The following PCDH9 variants were observed in gnomAD, a reference collection of about 807,000 sequenced individuals.
PCDH9 encodes protocadherin-9.
A neutral mutation model predicts 70.6 loss-of-function variants in PCDH9; 24 were observed. That is an observed-to-expected ratio of 0.34 (90% CI 0.25 to 0.48). PCDH9 has a LOEUF of 0.48. Among genes scored for constraint, PCDH9 ranks in the 20% least tolerant of loss-of-function variants. The probability of loss-of-function intolerance (pLI) is 0.99; values close to 1 mark genes in which losing one functional copy is unlikely to be tolerated. For missense variants in PCDH9, 1,281 were observed against 1,503.6 expected, an observed-to-expected ratio of 0.85 and a Z score of 2.45; for synonymous variants, 562 against 558.5, an observed-to-expected ratio of 1.01 and a Z score of -0.09.
At chr13:67,204,810 C>T (rs1313508580) in intron 2 of PCDH9, 2 of 152,118 alleles carry the variant, frequency 1.3e-5, no homozygotes, top group Non-Finnish European at 2.9e-5. Context: ...CAACACATCA[C>T]GTTAGGCCAC....
chr13:67,120,375 G>A (rs1490055603), intron 2 of PCDH9, among the ~76,000 whole-genome samples: 1 of 152,016 alleles, frequency 6.6e-6, no homozygotes, highest in African/African-American at 2.4e-5. Flanking sequence ...TGGGATGAAT[G>A]TGAATCTTCA....
chr13:66,413,642 A>C (rs1957411092), intron 4 of PCDH9, among the ~76,000 whole-genome samples: 1 of 151,972 alleles, frequency 6.6e-6, no homozygotes, highest in African/African-American at 2.4e-5. Context: ...GCCAAGATGA[A>C]GCCACTGCAC....
intron 4 of PCDH9, among the ~76,000 whole-genome samples, chr13:66,464,418 C>T (rs1023164390): frequency 1.1e-4 from 16 of 151,954 alleles, no homozygotes; most frequent in Non-Finnish European, 1.9e-4. Context: ...CACAGCTATA[C>T]CTGAAAAGCT....
intron 3 of PCDH9, among the ~76,000 whole-genome samples, chr13:66,744,916 T>G (rs1003358573): frequency 3.9e-5 from 6 of 152,170 alleles, no homozygotes; most frequent in African/African-American, 1.4e-4. Context: ...GAAAAGTTTT[T>G]AGTTTCTTTT....
At chr13:66,705,081 G>A (rs1402178967) in intron 3 of PCDH9, among the ~76,000 whole-genome samples, 2 of 152,028 alleles carry the variant, frequency 1.3e-5, no homozygotes, top group African/African-American at 4.8e-5. Flanking sequence ...GTAAGCAGTT[G>A]TTCTTGAAAT....
chr13:66,324,308 T>G (rs1362008585), intron 4 of PCDH9, among the ~76,000 whole-genome samples: 1 of 151,988 alleles, frequency 6.6e-6, no homozygotes, highest in East Asian at 1.9e-4. Flanking sequence ...GTAGATCTAT[T>G]GGTGAATATT....
chr13:66,949,114 T>C (rs369384869), intron 2 of PCDH9, among the ~76,000 whole-genome samples: 4 of 152,122 alleles, frequency 2.6e-5, no homozygotes, highest in East Asian at 1.9e-4. Context: ...GCAGGTGAAG[T>C]GACAAAAGCT....
At chr13:66,734,140 T>A (rs1359648394) in intron 3 of PCDH9, among the ~76,000 whole-genome samples, 1 of 152,144 alleles carries the variant, frequency 6.6e-6, no homozygotes, top group East Asian at 1.9e-4. Context: ...GGTCACATGA[T>A]GTAAATTGAC....
At chr13:66,598,906 G>A (rs529972246) in intron 4 of PCDH9, among the ~76,000 whole-genome samples, 21 of 151,786 alleles carry the variant, frequency 1.4e-4, no homozygotes, top group African/African-American at 4.6e-4. Context: ...CAGTGTATCC[G>A]TAAAACTGCT....
At chr13:67,137,796 A>G (rs953715186) in intron 2 of PCDH9, among the ~76,000 whole-genome samples, 4 of 152,148 alleles carry the variant, frequency 2.6e-5, no homozygotes, top group African/African-American at 9.7e-5. Flanking sequence ...GTCATCAGCC[A>G]CAGGGATTAT....
intron 4 of PCDH9, among the ~76,000 whole-genome samples, chr13:66,318,704 T>C (rs1406414534): frequency 6.6e-6 from 1 of 152,194 alleles, no homozygotes; most frequent in African/African-American, 2.4e-5. Context: ...AAATAGACCT[T>C]GTCTCCTGAA....
chr13:66,656,935 T>G (rs959222143), intron 3 of PCDH9, among the ~76,000 whole-genome samples: 4 of 152,138 alleles, frequency 2.6e-5, no homozygotes, highest in African/African-American at 9.7e-5. Flanking sequence ...TCTGAACTTT[T>G]AAAAAGGAGT....
intron 4 of PCDH9, among the ~76,000 whole-genome samples, chr13:66,383,850 T>C (rs1397360508): frequency 2.6e-5 from 4 of 152,172 alleles, no homozygotes; most frequent in Non-Finnish European, 4.4e-5. Context: ...ATATTTATAG[T>C]AAAATGTGTT....
chr13:66,980,152 T>A (rs1293843231), intron 2 of PCDH9, among the ~76,000 whole-genome samples: 1 of 152,038 alleles, frequency 6.6e-6, no homozygotes, highest in Non-Finnish European at 1.5e-5. Context: ...GATCCTTCCA[T>A]CAACTTGTTC....
intron 4 of PCDH9, among the ~76,000 whole-genome samples, chr13:66,480,834 C>A (rs984685161): frequency 2.0e-5 from 3 of 152,176 alleles, no homozygotes; most frequent in African/African-American, 7.2e-5. Context: ...GATTATAAAT[C>A]ATTCTACTAT....
intron 2 of PCDH9, among the ~76,000 whole-genome samples, chr13:66,909,895 T>C (rs957089264): frequency 6.6e-6 from 1 of 152,162 alleles, no homozygotes; most frequent in African/African-American, 2.4e-5. Context: ...TCCTACCCAG[T>C]GGATTTTGCA....
At chr13:66,446,021 T>C (rs1958081864) in intron 4 of PCDH9, among the ~76,000 whole-genome samples, 1 of 151,830 alleles carries the variant, frequency 6.6e-6, no homozygotes, top group South Asian at 2.1e-4. Flanking sequence ...TCTTTCAAAC[T>C]ATTTAAAAAT....
At chr13:67,092,846 G>T (rs1171245201) in intron 2 of PCDH9, among the ~76,000 whole-genome samples, 1 of 152,088 alleles carries the variant, frequency 6.6e-6, no homozygotes, top group Non-Finnish European at 1.5e-5. Flanking sequence ...GTATAAATCA[G>T]TTTCTCACGT....
At chr13:66,523,678 T>C (rs1321332570) in intron 4 of PCDH9, among the ~76,000 whole-genome samples, 1 of 151,798 alleles carries the variant, frequency 6.6e-6, no homozygotes, top group East Asian at 1.9e-4. Flanking sequence ...GGGTGGAGTG[T>C]AGCATCAGAG....
Sources: gnomAD v4.1 joint callset for allele counts (sites outside exome capture counted in the v4.1 genomes callset) on GRCh38, gnomAD v4.1.1 for gene constraint, MANE v1.5 for transcripts, NCBI Gene and HGNC (gene_info 2026-07-23, HGNC 2026-07-21) for gene names.